Variants in PIK3C2A observed in about 807,000 individuals in gnomAD.
PIK3C2A encodes the protein phosphatidylinositol-4-phosphate 3-kinase catalytic subunit type 2 alpha.
A neutral mutation model predicts 204.5 loss-of-function variants in PIK3C2A; 97 were observed. That is an observed-to-expected ratio of 0.47 (90% CI 0.40 to 0.56). The LOEUF is 0.56. Ranked by LOEUF, PIK3C2A falls within the 20% of genes least tolerant of loss-of-function variation. The probability of loss-of-function intolerance (pLI) is 0.00; values close to 1 mark genes in which losing one functional copy is unlikely to be tolerated. For synonymous variants in PIK3C2A, 653 were observed against 664.4 expected, an observed-to-expected ratio of 0.98 and a Z score of 0.26; for missense variants, 1,735 against 1,969.2, an observed-to-expected ratio of 0.88 and a Z score of 2.25.
chr11:17,194,778 A>G (rs1248104568), intron 1 of PIK3C2A, among the ~76,000 whole-genome samples: 1 of 152,070 alleles, frequency 6.6e-6, no homozygotes, highest in Non-Finnish European at 1.5e-5. Context: ...GCATGGTGGC[A>G]CATGCCTGTT....
chr11:17,144,559 G>T (rs1298759676), intron 8 of PIK3C2A, among the ~76,000 whole-genome samples: 1 of 152,032 alleles, frequency 6.6e-6, no homozygotes, highest in Admixed American at 6.6e-5. Context: ...AATTTTGGGG[G>T]TAAGTTAGGT....
chr11:17,111,062 C>T (rs1848986709), intron 21 of PIK3C2A, among the ~76,000 whole-genome samples: 1 of 152,138 alleles, frequency 6.6e-6, no homozygotes, highest in South Asian at 2.1e-4. Flanking sequence ...TGCCTGCCAC[C>T]ACACCTGGCT....
intron 1 of PIK3C2A, among the ~76,000 whole-genome samples, chr11:17,178,709 T>C (rs1451396700): frequency 8.4e-6 from 1 of 119,044 alleles, no homozygotes; most frequent in Non-Finnish European, 1.7e-5. Flanking sequence ...TGGTTGATTT[T>C]TGAATTTTTT....
intron 1 of PIK3C2A, among the ~76,000 whole-genome samples, chr11:17,175,392 G>A (rs578147478): frequency 1.4e-3 from 212 of 152,246 alleles, no homozygotes; most frequent in African/African-American, 5.0e-3. Context: ...GCAATAAAAG[G>A]ACTTAACAGA....
At chr11:17,206,289 A>T (rs186419976) in intron 1 of PIK3C2A, among the ~76,000 whole-genome samples, 1 of 152,340 alleles carries the variant, frequency 6.6e-6, no homozygotes, top group Admixed American at 6.5e-5. Context: ...GAAACTCCAT[A>T]TGTGCTTTCT....
At chr11:17,115,776 T>C (rs567513136) in intron 19 of PIK3C2A, 1 of 152,308 alleles carries the variant, frequency 6.6e-6, no homozygotes, top group South Asian at 2.1e-4. Flanking sequence ...GGTCAACTGA[T>C]TTTTGACAAG....
intron 22 of PIK3C2A, among the ~76,000 whole-genome samples, chr11:17,106,630 C>A (rs1161049491): frequency 6.6e-6 from 1 of 152,118 alleles, no homozygotes; most frequent in South Asian, 2.1e-4. Context: ...TTAGTTGAGA[C>A]AGGGTTTCAC....
chr11:17,191,863 T>C (rs1851955616), intron 1 of PIK3C2A, among the ~76,000 whole-genome samples: 2 of 151,744 alleles, frequency 1.3e-5, no homozygotes, highest in Non-Finnish European at 2.9e-5. Context: ...CCAGGTGTGG[T>C]GGCTCATGCC....
chr11:17,106,722 G>T (rs755247125), intron 22 of PIK3C2A, among the ~76,000 whole-genome samples: 7 of 152,122 alleles, frequency 4.6e-5, no homozygotes, highest in Non-Finnish European at 2.9e-5. Flanking sequence ...GATTACAGGC[G>T]TGAGCCACCG....
intron 20 of PIK3C2A, among the ~76,000 whole-genome samples, chr11:17,114,125 C>T (rs1229073794): frequency 1.9e-5 from 2 of 107,240 alleles, no homozygotes; most frequent in East Asian, 4.9e-4. Flanking sequence ...AAAGGTGAGA[C>T]CAATTTAAAA....
rs33912263 is a variant in PIK3C2A at position 17,137,423 on chromosome 11, C to CTTTTTT, written c.1705-804_1705-799dup. Among the ~76,000 whole-genome samples, 6 of 125,046 alleles carry CTTTTTT rather than the reference C, an allele frequency of 4.8e-5. 2 individuals are homozygous for CTTTTTT. The highest frequency in any genetic ancestry group is 9.7e-5 in the Non-Finnish European group (6 of 61,674). The allele number at this position is 125,046 out of a possible 152,430, so 82.0% of individuals were successfully genotyped here. A position where few individuals can be genotyped will look rare whatever the true frequency, so the allele number is the denominator to read the frequency against. The stretch of plus-strand genomic sequence containing the variant: ...CCTATATTACTTCATATTACTTTGC[C>CTTTTTT]TTTTTTTTTGAGACGGACTCTCATT... On this transcript the variant is annotated intron_variant, in intron 8 of 32. Transcript: ENST00000691414.
At chr11:17,095,947 T>C (rs929947901) in intron 27 of PIK3C2A, among the ~76,000 whole-genome samples, 7 of 149,962 alleles carry the variant, frequency 4.7e-5, no homozygotes, top group African/African-American at 1.7e-4. Flanking sequence ...TAACATAACA[T>C]AAAATAAAAT....
chr11:17,110,532 T>G lies in PIK3C2A; in HGVS notation c.3444A>C (p.Leu1148Phe), dbSNP rs1435007924. Reference protein sequence around the residue: ...KVGEDLRQDMLALQMIKIMDK... With the variant: ...KVGEDLRQDMFALQMIKIMDK... ...CCATAATCTTTATCATCTGTAAAGC[T>G]AACATATCTTGCCGAAGATCTTCAC... Residue 1148 changes from leucine (L) to phenylalanine (F), a missense_variant, in exon 22 of 33, where the codon TTA becomes TTC. Coordinates refer to ENST00000691414, the MANE Select transcript of PIK3C2A (RefSeq NM_002645.4). 1.2e-6 allele frequency: 2 copies of G among 1,610,968 alleles called. No homozygotes were observed. The highest frequency in any genetic ancestry group is 4.5e-5 in the East Asian group (2 of 44,798).
chr11:17,098,550 A>G (rs577922369), intron 26 of PIK3C2A, among the ~76,000 whole-genome samples: 8 of 152,366 alleles, frequency 5.3e-5, no homozygotes, highest in South Asian at 2.1e-4. Flanking sequence ...AAGTCTAAGC[A>G]GGCAGACGAA....
intron 1 of PIK3C2A, among the ~76,000 whole-genome samples, chr11:17,191,721 G>A (rs1440060679): frequency 6.6e-6 from 1 of 152,124 alleles, no homozygotes; most frequent in African/African-American, 2.4e-5. Context: ...ACTTGCAGTT[G>A]GTGTCAGAAG....
chr11:17,143,195 T>TA (rs916124616), intron 8 of PIK3C2A, among the ~76,000 whole-genome samples: 1 of 152,076 alleles, frequency 6.6e-6, no homozygotes, highest in African/African-American at 2.4e-5. Context: ...TACTTGTAGA[T>TA]AAAAATATGG....
At chr11:17,207,698 A>G (rs1490381061) in intron 1 of PIK3C2A, 150 bp downstream of exon 1, 1 of 152,320 alleles carries the variant, frequency 6.6e-6, no homozygotes, top group Non-Finnish European at 1.5e-5. Context: ...GGCAACGCCA[A>G]GAGCACGGGA....
At chr11:17,187,016 C>G (rs897269044) in intron 1 of PIK3C2A, among the ~76,000 whole-genome samples, 2 of 152,084 alleles carry the variant, frequency 1.3e-5, no homozygotes, top group Admixed American at 1.3e-4. Context: ...TCAAGGCTCC[C>G]TAGTGCCTGG....
In PIK3C2A at chr11:17,088,701, G is replaced by A. The variant is rs917574715; in HGVS notation, c.*1037C>T. On this transcript the variant is annotated 3_prime_UTR_variant, in exon 33 of 33. Coordinates refer to ENST00000691414, the MANE Select transcript of PIK3C2A (RefSeq NM_002645.4). ...GACAAACTGGTCTACACAGACAAAG[G>A]TCTATATTAAAGTTCAATCTGGACC... 6.6e-6 allele frequency: 1 copy of A among 152,198 alleles called. No homozygotes were observed. The highest frequency in any genetic ancestry group is 1.5e-5 in the Non-Finnish European group (1 of 68,040). The allele number at this position is 152,198 out of a possible 1,614,324, so 9.4% of individuals were successfully genotyped here.
Sources: gnomAD v4.1 joint callset for allele counts (sites outside exome capture counted in the v4.1 genomes callset) on GRCh38, gnomAD v4.1.1 for gene constraint, MANE v1.5 for transcripts, NCBI Gene and HGNC (gene_info 2026-07-23, HGNC 2026-07-21) for gene names.